Variants in TSC22D2 observed in about 807,000 individuals in gnomAD.
The protein encoded by TSC22D2 is TSC22 domain family member 2.
A neutral mutation model predicts 50.1 loss-of-function variants in TSC22D2; 5 were observed. The observed-to-expected ratio is 0.10, with a 90% CI of 0.05 to 0.21. The LOEUF is 0.21. Among genes scored for constraint, TSC22D2 ranks in the 10% least tolerant of loss-of-function variants. The pLI is 1.00. For synonymous variants in TSC22D2, 501 were observed against 450.1 expected (o/e 1.11, Z -1.43); for missense variants, 1,003 against 1,015.5 (o/e 0.99, Z 0.17).
At chr3:150,422,030 A>T (rs1175405156) in intron 1 of TSC22D2, among the ~76,000 whole-genome samples, 1 of 152,204 alleles carries the variant, frequency 6.6e-6, no homozygotes, top group African/African-American at 2.4e-5. Flanking sequence ...TTTCTCCTCT[A>T]TGAGATGGGA....
chr3:150,433,207 A>G (rs767374737), intron 1 of TSC22D2, among the ~76,000 whole-genome samples: 6 of 152,224 alleles, frequency 3.9e-5, no homozygotes, highest in Non-Finnish European at 7.3e-5. Context: ...TATAAATACT[A>G]AAAGATTTGG....
chr3:150,445,797 G>C (rs779384244), intron 1 of TSC22D2, among the ~76,000 whole-genome samples: 1 of 152,138 alleles, frequency 6.6e-6, no homozygotes, highest in Admixed American at 6.5e-5. Flanking sequence ...CCACTAGTAA[G>C]TGGTTGGAGT....
intron 1 of TSC22D2, among the ~76,000 whole-genome samples, chr3:150,419,665 T>C (rs1301759822): frequency 2.0e-5 from 3 of 152,154 alleles, no homozygotes; most frequent in Non-Finnish European, 4.4e-5. Flanking sequence ...ACAAAGATAG[T>C]GTCTTGCAAA....
intron 1 of TSC22D2, among the ~76,000 whole-genome samples, chr3:150,442,548 C>CACTAT (rs1443341752): frequency 6.6e-6 from 1 of 152,146 alleles, no homozygotes; most frequent in Non-Finnish European, 1.5e-5. Context: ...ATTATTACGG[C>CACTAT]AAGTTATTAG....
At chr3:150,432,620 A>G (rs1199170448) in intron 1 of TSC22D2, among the ~76,000 whole-genome samples, 1 of 151,890 alleles carries the variant, frequency 6.6e-6, no homozygotes, top group African/African-American at 2.4e-5. Context: ...GAACTTGTTC[A>G]GACAAGAAAG....
In TSC22D2 at chr3:150,466,265, G is replaced by A. The variant is rs545906161; in HGVS notation, c.*7629G>A. On this transcript the variant is annotated 3_prime_UTR_variant, in exon 3 of 3. Coordinates refer to ENST00000688009, the MANE Select transcript of TSC22D2 (RefSeq NM_001303264.2). The stretch of plus-strand genomic sequence containing the variant: ...TGTACTTCTACAAGTACATATTTGT[G>A]TATTATATAGAGAGAAGGTCTGGAA... The A allele has an allele frequency of 6.6e-6, 1 of 151,910 alleles. No homozygotes were observed. Among genetic ancestry groups the A allele is most frequent in the South Asian group, 2.1e-4 (1 of 4,804 alleles). The allele number at this position is 151,910 out of a possible 1,614,324, so 9.4% of individuals were successfully genotyped here.
intron 1 of TSC22D2, among the ~76,000 whole-genome samples, chr3:150,447,984 T>C (rs1048696793): frequency 6.6e-6 from 1 of 152,210 alleles, no homozygotes; most frequent in Non-Finnish European, 1.5e-5. Flanking sequence ...TAGTTGCTGC[T>C]ATGTAAACAG....
rs1217965979 is a variant in TSC22D2 at position 150,460,333 on chromosome 3, T to C, written c.*1697T>C. 6.6e-6 allele frequency: 1 copy of C among 152,176 alleles called. No individual in the cohort carries two copies. Among genetic ancestry groups the C allele is most frequent in the Admixed American group, 6.5e-5 (1 of 15,284 alleles). The allele number at this position is 152,176 out of a possible 1,614,324, so 9.4% of individuals were successfully genotyped here. On this transcript the variant is annotated 3_prime_UTR_variant, in exon 3 of 3. Transcript: ENST00000688009. Reference sequence around the variant, plus strand: ...TAGGAAATCCTTGTCTACCAAAACTTTTACTTGAATTCAGAAAGGTGCCTG... The same window carrying C: ...TAGGAAATCCTTGTCTACCAAAACTCTTACTTGAATTCAGAAAGGTGCCTG...
At chr3:150,435,457 CCT>C (rs1275175882) in intron 1 of TSC22D2, among the ~76,000 whole-genome samples, 11 of 151,936 alleles carry the variant, frequency 7.2e-5, no homozygotes, top group African/African-American at 2.4e-4. Flanking sequence ...AAAGGGTTGC[CCT>C]GTTTCCCCCC....
At chr3:150,436,163 T>C (rs1720535639) in intron 1 of TSC22D2, among the ~76,000 whole-genome samples, 1 of 152,198 alleles carries the variant, frequency 6.6e-6, no homozygotes. Context: ...ATAACTTTTG[T>C]ATCTTTTAAA....
At chr3:150,418,579 G>A (rs1462376758) in intron 1 of TSC22D2, among the ~76,000 whole-genome samples, 2 of 151,654 alleles carry the variant, frequency 1.3e-5, no homozygotes, top group African/African-American at 4.8e-5. Flanking sequence ...TCTTAAAATG[G>A]TCATTCAGAT....
chr3:150,417,418 T>C (rs1418937930), intron 1 of TSC22D2, among the ~76,000 whole-genome samples: 1 of 152,074 alleles, frequency 6.6e-6, no homozygotes, highest in East Asian at 1.9e-4. Context: ...TACCTAGTCT[T>C]TGAAGACAAA....
chr3:150,439,231 C>T (rs1720642411), intron 1 of TSC22D2, among the ~76,000 whole-genome samples: 1 of 152,094 alleles, frequency 6.6e-6, no homozygotes, highest in Non-Finnish European at 1.5e-5. Context: ...CCAAAAAAGC[C>T]AGAAGGCATG....
chr3:150,458,522 C>T lies in TSC22D2; in HGVS notation c.2157C>T (p.Ser719=), dbSNP rs534191020. ...LKSLSSNDQL[S]QLPTQQANPG... Reference sequence around the variant, plus strand: ...CTCTTTCAAGCAATGATCAATTATCCCAACTCCCAACCCAACAGGCCAATC... The same window carrying T: ...CTCTTTCAAGCAATGATCAATTATCTCAACTCCCAACCCAACAGGCCAATC... Residue 719 remains serine (S), a synonymous_variant, in exon 3 of 3, where the codon TCC becomes TCT. Coordinates refer to ENST00000688009, the MANE Select transcript of TSC22D2 (RefSeq NM_001303264.2). 3 of 1,614,098 alleles carry T rather than the reference C, an allele frequency of 1.9e-6. No individual in the cohort carries two copies. The highest frequency in any genetic ancestry group is 1.6e-4 in the Middle Eastern group (1 of 6,062).
chr3:150,439,386 C>G (rs1252084745), intron 1 of TSC22D2, among the ~76,000 whole-genome samples: 1 of 152,118 alleles, frequency 6.6e-6, no homozygotes, highest in Non-Finnish European at 1.5e-5. Flanking sequence ...TCATTACATT[C>G]TGTAAGCTTA....
At chr3:150,427,502 C>G (rs1011456581) in intron 1 of TSC22D2, among the ~76,000 whole-genome samples, 1 of 152,100 alleles carries the variant, frequency 6.6e-6, no homozygotes, top group Non-Finnish European at 1.5e-5. Context: ...TAAAGAATCA[C>G]TCAAGTAGCT....
rs962039096 is a variant in TSC22D2, at chr3:150,459,363, T to C, written c.*727T>C. On this transcript the variant is annotated 3_prime_UTR_variant, in exon 3 of 3. Coordinates refer to ENST00000688009, the MANE Select transcript of TSC22D2 (RefSeq NM_001303264.2). ...CAACTGTACAGGTAGTCACCAGTTA[T>C]TGTGATATGATAAATAATTGGGCTA... 3 of 152,586 alleles carry C rather than the reference T, an allele frequency of 2.0e-5. No individual in the cohort carries two copies. The highest frequency in any genetic ancestry group is 7.2e-5 in the African/African-American group (3 of 41,440). The allele number at this position is 152,586 out of a possible 1,614,324, so 9.5% of individuals were successfully genotyped here. A position where few individuals can be genotyped will look rare whatever the true frequency, so the allele number is the denominator to read the frequency against.
intron 1 of TSC22D2, among the ~76,000 whole-genome samples, chr3:150,454,417 C>G (rs1018804290): frequency 6.6e-6 from 1 of 152,142 alleles, no homozygotes; most frequent in African/African-American, 2.4e-5. Flanking sequence ...ATATGCCAGG[C>G]TAAAAAGTTT....
chr3:150,462,605 G>A lies in TSC22D2; in HGVS notation c.*3969G>A, dbSNP rs753364917. ...AATGAACATCCCATTCCCAGTGTCA[G>A]GTATCAGGTGCCTATTTTCTTTTTT... is the stretch of plus-strand genomic sequence containing the variant. On this transcript the variant is annotated 3_prime_UTR_variant, in exon 3 of 3. Transcript: ENST00000688009. 6.5e-6 allele frequency: 1 copy of A among 152,700 alleles called. No individual in the cohort carries two copies. Among genetic ancestry groups the A allele is most frequent in the Non-Finnish European group, 1.5e-5 (1 of 68,824 alleles). 9.5% of individuals were successfully genotyped at this position (152,700 alleles called of 1,614,324 possible). A position where few individuals can be genotyped will look rare whatever the true frequency, so the allele number is the denominator to read the frequency against.
Sources: allele counts gnomAD v4.1 joint callset (sites outside exome capture counted in the v4.1 genomes callset), GRCh38; gene constraint gnomAD v4.1.1; transcripts MANE v1.5; gene names NCBI Gene and HGNC (gene_info 2026-07-23, HGNC 2026-07-21).